PTN: variants seen among roughly 807,000 people sequenced by gnomAD.
The protein encoded by PTN is heparin affin regulatory protein.
PTN carries 18 observed loss-of-function variants against 24.1 expected under a neutral mutation model. That is an observed-to-expected ratio of 0.75 (90% confidence interval 0.52 to 1.11). PTN has a LOEUF of 1.11. Among genes scored for constraint, PTN ranks in the 50% least tolerant of loss-of-function variants. The probability of loss-of-function intolerance (pLI) is 0.00; values close to 1 mark genes in which losing one functional copy is unlikely to be tolerated. For synonymous variants in PTN, 78 were observed against 68.6 expected, an observed-to-expected ratio of 1.14 and a Z score of -0.67; for missense variants, 163 against 198.8, an observed-to-expected ratio of 0.82 and a Z score of 1.08.
At chr7:137,299,120 CCA>C (rs1809765109) in intron 1 of PTN, among the ~76,000 whole-genome samples, 1 of 151,944 alleles carries the variant, frequency 6.6e-6, no homozygotes. Context: ...GCATTCACAG[CCA>C]GAATACTGTT....
chr7:137,241,661 A>G (rs567247238), intron 4 of PTN, among the ~76,000 whole-genome samples: 4 of 152,326 alleles, frequency 2.6e-5, no homozygotes, highest in African/African-American at 9.6e-5. Context: ...TACTAAGAAA[A>G]GGATAGAGTT....
At chr7:137,265,000 G>T (rs1311826030) in intron 1 of PTN, among the ~76,000 whole-genome samples, 1 of 143,730 alleles carries the variant, frequency 7.0e-6, no homozygotes, top group East Asian at 2.1e-4. Context: ...TTGACACATA[G>T]AGTGTAAAAA....
intron 1 of PTN, among the ~76,000 whole-genome samples, chr7:137,305,282 G>A (rs1809869869): frequency 6.6e-6 from 1 of 152,034 alleles, no homozygotes. Flanking sequence ...AATCATATCT[G>A]AAAACCTGTT....
intron 1 of PTN, chr7:137,325,685 T>G (rs1197025924): frequency 6.6e-6 from 1 of 152,244 alleles, no homozygotes; most frequent in Non-Finnish European, 1.5e-5. Context: ...CATGAGTAAC[T>G]ACCTTTTCCA....
At chr7:137,328,191 A>C (rs1467671643) in intron 1 of PTN, among the ~76,000 whole-genome samples, 1 of 152,196 alleles carries the variant, frequency 6.6e-6, no homozygotes, top group Non-Finnish European at 1.5e-5. Flanking sequence ...GCCCTTTAAG[A>C]TAGATCACTG....
At chr7:137,314,092 G>A (rs936430857) in intron 1 of PTN, among the ~76,000 whole-genome samples, 3 of 151,852 alleles carry the variant, frequency 2.0e-5, no homozygotes, top group Non-Finnish European at 4.4e-5. Flanking sequence ...GTGATGAGCG[G>A]GACTAGAAAA....
At chr7:137,324,021 A>G (rs1365811218) in intron 1 of PTN, among the ~76,000 whole-genome samples, 2 of 152,130 alleles carry the variant, frequency 1.3e-5, no homozygotes, top group Non-Finnish European at 2.9e-5. Context: ...GAAGAAATAG[A>G]AGCCTGAAAA....
At chr7:137,290,838 T>C (rs1809627665) in intron 1 of PTN, among the ~76,000 whole-genome samples, 1 of 151,970 alleles carries the variant, frequency 6.6e-6, no homozygotes, top group Non-Finnish European at 1.5e-5. Context: ...TTTCCTATTC[T>C]CTTCCAATTA....
intron 1 of PTN, among the ~76,000 whole-genome samples, chr7:137,280,697 T>TAAAAAAAAAAAAA (rs1563210740): frequency 9.4e-5 from 1 of 10,648 alleles, no homozygotes; most frequent in Non-Finnish European, 2.2e-4. Context: ...CTACTAAAAA[T>TAAAAAAAAAAAAA]ACAAAAAAAA....
At chr7:137,323,073 T>C (rs1810191365) in intron 1 of PTN, among the ~76,000 whole-genome samples, 2 of 152,256 alleles carry the variant, frequency 1.3e-5, no homozygotes, top group African/African-American at 4.8e-5. Context: ...AAATTATTTC[T>C]CATTTCTTGC....
chr7:137,317,142 T>A (rs78813592), intron 1 of PTN, among the ~76,000 whole-genome samples: 11,148 of 152,236 alleles, frequency 0.073, 548 homozygotes, highest in East Asian at 0.16. Flanking sequence ...TCACTCCATA[T>A]GTCAGGCTTG....
At chr7:137,284,362 A>C (rs12113527) in intron 1 of PTN, among the ~76,000 whole-genome samples, 1 of 151,898 alleles carries the variant, frequency 6.6e-6, no homozygotes, top group Non-Finnish European at 1.5e-5. Context: ...GTCAAAAAGG[A>C]AGAGGTCTTT....
At chr7:137,308,207 A>G (rs1295403747) in intron 1 of PTN, among the ~76,000 whole-genome samples, 1 of 152,174 alleles carries the variant, frequency 6.6e-6, no homozygotes, top group East Asian at 1.9e-4. Context: ...ATGCCCTGAA[A>G]AGTCATGAAT....
intron 1 of PTN, among the ~76,000 whole-genome samples, chr7:137,304,225 C>A (rs182879931): frequency 1.2e-4 from 18 of 152,064 alleles, no homozygotes; most frequent in Non-Finnish European, 1.9e-4. Context: ...CTTTGAGCCT[C>A]CTGACAGCCA....
intron 1 of PTN, among the ~76,000 whole-genome samples, chr7:137,304,530 TGA>T (rs1585036956): frequency 6.6e-6 from 1 of 151,728 alleles, no homozygotes; most frequent in East Asian, 1.9e-4. Flanking sequence ...CTTTATTGCC[TGA>T]AAAGAGAACT....
chr7:137,301,874 C>A (rs542178401), intron 1 of PTN, among the ~76,000 whole-genome samples: 3 of 151,974 alleles, frequency 2.0e-5, no homozygotes, highest in African/African-American at 7.2e-5. Flanking sequence ...GTAGAGGTAA[C>A]CGCGAACCTC....
intron 4 of PTN, among the ~76,000 whole-genome samples, chr7:137,243,040 G>A (rs1314445308): frequency 2.0e-5 from 3 of 152,168 alleles, no homozygotes; most frequent in African/African-American, 2.4e-5. Context: ...GGGTTCAAGC[G>A]ATTCTCCTGC....
At chr7:137,295,977 T>C (rs1333977080) in intron 1 of PTN, among the ~76,000 whole-genome samples, 1 of 151,938 alleles carries the variant, frequency 6.6e-6, no homozygotes, top group Non-Finnish European at 1.5e-5. Flanking sequence ...GTACCTTGAG[T>C]GATTAGTGAA....
At chr7:137,284,059 C>T (rs996600405) in intron 1 of PTN, among the ~76,000 whole-genome samples, 25 of 141,174 alleles carry the variant, frequency 1.8e-4, no homozygotes, top group Non-Finnish European at 3.0e-4. Context: ...CTCCGCCTCC[C>T]GGGTTGACGC....
Sources: gnomAD v4.1 joint callset for allele counts (sites outside exome capture counted in the v4.1 genomes callset) on GRCh38, gnomAD v4.1.1 for gene constraint, MANE v1.5 for transcripts, NCBI Gene and HGNC (gene_info 2026-07-23, HGNC 2026-07-21) for gene names.